Variants in DLGAP1 observed in about 807,000 individuals in gnomAD.
DLGAP1 encodes disks large-associated protein 1.
DLGAP1 carries 11 observed loss-of-function variants against 90.8 expected under a neutral mutation model. The observed-to-expected ratio is 0.12, with a 90% CI of 0.08 to 0.20. The LOEUF (loss-of-function observed/expected upper bound fraction) is 0.20. DLGAP1 is among the 10% of genes least tolerant of loss of function. The pLI is 1.00. For synonymous variants in DLGAP1, 558 were observed against 540.7 expected (o/e 1.03, Z -0.44); for missense variants, 1,050 against 1,333.8 (o/e 0.79, Z 3.31).
chr18:3,516,832 C>T (rs1412886931), intron 10 of DLGAP1, among the ~76,000 whole-genome samples: 1 of 152,184 alleles, frequency 6.6e-6, no homozygotes, highest in African/African-American at 2.4e-5. Context: ...CATCAGGTCC[C>T]TCCCACAACA....
At chr18:3,870,057 T>C (rs760842344) in intron 4 of DLGAP1, among the ~76,000 whole-genome samples, 3 of 152,198 alleles carry the variant, frequency 2.0e-5, no homozygotes, top group Non-Finnish European at 4.4e-5. Context: ...TATTAGGCTC[T>C]ACTGCCCCCT....
At chr18:3,964,836 C>T (rs2073287543) in intron 3 of DLGAP1, among the ~76,000 whole-genome samples, 1 of 152,126 alleles carries the variant, frequency 6.6e-6, no homozygotes, top group African/African-American at 2.4e-5. Context: ...AAACTGTGGA[C>T]AAAGAGAGTT....
intron 5 of DLGAP1, among the ~76,000 whole-genome samples, chr18:3,791,730 T>C (rs1465245220): frequency 6.6e-6 from 1 of 152,162 alleles, no homozygotes. Context: ...GAATGTAATC[T>C]ACTGAAATGA....
At chr18:3,984,765 T>C (rs926700406) in intron 3 of DLGAP1, among the ~76,000 whole-genome samples, 1 of 152,052 alleles carries the variant, frequency 6.6e-6, no homozygotes, top group Non-Finnish European at 1.5e-5. Flanking sequence ...CCTTGTTGCA[T>C]GCATGTCTCA....
intron 2 of DLGAP1, among the ~76,000 whole-genome samples, chr18:4,129,211 CCA>C (rs1180434572): frequency 1.3e-5 from 2 of 152,110 alleles, no homozygotes; most frequent in Admixed American, 6.5e-5. Context: ...TTGATAAATT[CCA>C]CAGAGAGAAA....
intron 5 of DLGAP1, among the ~76,000 whole-genome samples, chr18:3,764,410 A>C (rs1464997533): frequency 2.0e-5 from 3 of 149,474 alleles, no homozygotes; most frequent in Non-Finnish European, 4.4e-5. Context: ...CTGTTTAACC[A>C]ACTACATATG....
rs1002653337 is a variant in DLGAP1, at chr18:3,879,854, C to T, written c.215G>A (p.Arg72His). Residue 72 changes from arginine to histidine, a missense_variant, in exon 4 of 13, where the codon CGC (arginine) becomes CAC (histidine). Arg to His is a conservative substitution (Grantham distance 29, BLOSUM62 0). Transcript: ENST00000315677. The surrounding 1 kb of genome is among the most constrained non-coding windows in gnomAD (Gnocchi z 6.6). Reference sequence around the variant, plus strand: ...CTCTTGCTGCGAGGTGTAGTGCCTGCGGGGGAAGGTGCTGCTGGCCAGCGG... The same window carrying T: ...CTCTTGCTGCGAGGTGTAGTGCCTGTGGGGGAAGGTGCTGCTGGCCAGCGG... Reference protein sequence around the residue: ...SDPLASSTFPRRHYTSQQELK... With the variant: ...SDPLASSTFPHRHYTSQQELK... 35 of 1,609,716 alleles carry T rather than the reference C, an allele frequency of 2.2e-5. No homozygotes were observed. The highest frequency in any genetic ancestry group is 1.6e-4 in the Middle Eastern group (1 of 6,074).
At chr18:3,786,330 A>T (rs964470363) in intron 5 of DLGAP1, among the ~76,000 whole-genome samples, 1 of 152,176 alleles carries the variant, frequency 6.6e-6, no homozygotes, top group Non-Finnish European at 1.5e-5. Flanking sequence ...GGTTTTTATG[A>T]TGACGATGAT....
chr18:3,581,093 T>G (rs1286654228), intron 8 of DLGAP1, among the ~76,000 whole-genome samples: 4 of 152,246 alleles, frequency 2.6e-5, no homozygotes, highest in Admixed American at 2.6e-4. Context: ...CCACAGCGGC[T>G]GTGCTCTTCT....
intron 1 of DLGAP1, among the ~76,000 whole-genome samples, chr18:4,277,977 GGAAA>G (rs1309887242): frequency 6.7e-6 from 1 of 149,700 alleles, no homozygotes; most frequent in Non-Finnish European, 1.5e-5. Context: ...CTGAAAAGTG[GGAAA>G]GAGATTGCAT....
chr18:3,893,898 T>A (rs1000853998), intron 3 of DLGAP1, among the ~76,000 whole-genome samples: 6 of 152,322 alleles, frequency 3.9e-5, no homozygotes, highest in African/African-American at 1.4e-4. Flanking sequence ...TTTGATTTTT[T>A]AATGATAGCC....
chr18:4,410,685 AAT>A (rs33973172), intron 1 of DLGAP1, among the ~76,000 whole-genome samples: 82,844 of 149,750 alleles, frequency 0.55, 22,738 homozygotes, highest in Middle Eastern at 0.6. Context: ...ATTCCCCCCA[AAT>A]ATATATATAT....
rs1276119874 is a variant in DLGAP1 at position 4,383,599 on chromosome 18, G to T, written c.-267+71407C>A. The stretch of plus-strand genomic sequence containing the variant: ...TATCCTTGCTCATTAAAAAAAAAGG[G>T]ATGTTTACCTATGAGAATCAAGTAG... On this transcript the variant is annotated intron_variant, in intron 1 of 12. Coordinates refer to ENST00000315677, the MANE Select transcript of DLGAP1 (RefSeq NM_004746.4). The surrounding 1 kb of genome is among the most constrained non-coding windows in gnomAD (Gnocchi z 4.0). Among the ~76,000 whole-genome samples the T allele has an allele frequency of 6.6e-6, 1 of 151,966 alleles. No individual in the cohort carries two copies. Among genetic ancestry groups the T allele is most frequent in the East Asian group, 1.9e-4 (1 of 5,170 alleles).
intron 1 of DLGAP1, among the ~76,000 whole-genome samples, chr18:4,426,891 G>C (rs911452654): frequency 6.6e-6 from 1 of 151,690 alleles, no homozygotes; most frequent in East Asian, 1.9e-4. Flanking sequence ...TAATGAAGGA[G>C]AAAATATATT....
chr18:4,162,445 T>C (rs566787974), intron 1 of DLGAP1, among the ~76,000 whole-genome samples: 1 of 152,274 alleles, frequency 6.6e-6, no homozygotes, highest in East Asian at 1.9e-4. Flanking sequence ...TAAAGAAAAT[T>C]TTGTCACATT....
intron 4 of DLGAP1, among the ~76,000 whole-genome samples, chr18:3,821,554 C>G (rs1699669360): frequency 6.6e-6 from 1 of 152,152 alleles, no homozygotes; most frequent in African/African-American, 2.4e-5. Context: ...AATTTTCTAG[C>G]ACTGCTAAAA....
intron 7 of DLGAP1, among the ~76,000 whole-genome samples, chr18:3,605,118 A>G (rs671532): frequency 0.028 from 4,333 of 152,200 alleles, 173 homozygotes; most frequent in East Asian, 0.11. Context: ...AAGAGTTCCT[A>G]TTCACCCTTT....
chr18:4,269,190 G>A (rs1456326523), intron 1 of DLGAP1, among the ~76,000 whole-genome samples: 1 of 151,200 alleles, frequency 6.6e-6, no homozygotes, highest in African/African-American at 2.4e-5. Context: ...TCCAACAAAC[G>A]CCAGCCTGAT....
chr18:3,541,966 T>C (rs1454591908), intron 9 of DLGAP1, among the ~76,000 whole-genome samples: 1 of 151,566 alleles, frequency 6.6e-6, no homozygotes, highest in Non-Finnish European at 1.5e-5. Flanking sequence ...AGACGAGGAG[T>C]GGCTCTCATA....
Sources: allele counts gnomAD v4.1 joint callset (sites outside exome capture counted in the v4.1 genomes callset), GRCh38; gene constraint gnomAD v4.1.1; non-coding constraint Gnocchi (gnomAD v3.1); transcripts MANE v1.5; gene names NCBI Gene and HGNC (gene_info 2026-07-23, HGNC 2026-07-21).